The following MARCHF1 variants were observed in gnomAD, a reference collection of about 807,000 sequenced individuals.
MARCHF1 encodes the protein membrane associated ring-CH-type finger 1.
In MARCHF1, 40 loss-of-function variants were observed where a neutral mutation model predicts 54.2. That is an observed-to-expected ratio of 0.74 (90% confidence interval 0.57 to 0.96). MARCHF1 has a LOEUF of 0.96. Ranked by LOEUF, MARCHF1 falls within the 40% of genes least tolerant of loss-of-function variation. The probability of loss-of-function intolerance (pLI) is 0.00; values close to 1 mark genes in which losing one functional copy is unlikely to be tolerated. For missense variants in MARCHF1, 586 were observed against 656.5 expected (o/e 0.89, Z 1.17); for synonymous variants, 236 against 236.3 (o/e 1.00, Z 0.01).
At chr4:164,172,980 C>CAAAAAAAAAAA (rs35995273) in intron 1 of MARCHF1, among the ~76,000 whole-genome samples, 5 of 127,788 alleles carry the variant, frequency 3.9e-5, no homozygotes, top group African/African-American at 1.6e-4. Flanking sequence ...GACTCCGTCT[C>CAAAAAAAAAAA]AAAAAAAAAA....
rs970007449 is a variant in MARCHF1, at chr4:164,244,829, C to T, written c.-322-133167G>A. 8.5e-5 allele frequency among the ~76,000 whole-genome samples: 13 copies of T among 152,146 alleles called. No individual in the cohort carries two copies. The South Asian group carries it at 2.5e-3, about 29-fold the overall frequency. ...GTACCATCAGAGAATACTACAAACA[C>T]CTCTACGCAAATAAACTAGAAAATC... is the stretch of plus-strand genomic sequence containing the variant. On this transcript the variant is annotated intron_variant, in intron 1 of 9. Coordinates refer to ENST00000514618, the MANE Select transcript of MARCHF1 (RefSeq NM_001394959.1).
intron 5 of MARCHF1, among the ~76,000 whole-genome samples, chr4:163,651,875 T>G (rs1309664889): frequency 6.6e-6 from 1 of 151,712 alleles, no homozygotes; most frequent in Non-Finnish European, 1.5e-5. Context: ...TGGATTATTT[T>G]CAATGCTACT....
At chr4:163,798,429 AAGAC>A (rs1443139715) in intron 4 of MARCHF1, among the ~76,000 whole-genome samples, 3 of 152,192 alleles carry the variant, frequency 2.0e-5, no homozygotes, top group South Asian at 4.1e-4. Context: ...TTAGCAGAAT[AAGAC>A]AGAGAGCATT....
chr4:163,839,288 ACT>A (rs35749658), intron 4 of MARCHF1, among the ~76,000 whole-genome samples: 11,383 of 152,104 alleles, frequency 0.075, 564 homozygotes, highest in African/African-American at 0.14. Flanking sequence ...TAGTACATCC[ACT>A]GTGGAAAACA....
chr4:163,989,715 C>T (rs760902285), intron 2 of MARCHF1, among the ~76,000 whole-genome samples: 6 of 152,078 alleles, frequency 3.9e-5, no homozygotes, highest in African/African-American at 7.2e-5. Flanking sequence ...ATAACTTTCC[C>T]GCATGATTAT....
chr4:163,613,432 G>A (rs1158471355), intron 5 of MARCHF1, 39 bp from the exon 6 acceptor site: 40 of 1,612,984 alleles, frequency 2.5e-5, no homozygotes, highest in Non-Finnish European at 3.3e-5. Context: ...TCTTGGTTAA[G>A]GTAATACATG....
intron 4 of MARCHF1, among the ~76,000 whole-genome samples, chr4:163,763,698 T>C (rs941856114): frequency 1.3e-5 from 2 of 152,090 alleles, no homozygotes; most frequent in Non-Finnish European, 2.9e-5. Context: ...TGTTTGGAAA[T>C]GTTATGTACC....
chr4:163,642,282 C>CT (rs946072484), intron 5 of MARCHF1, among the ~76,000 whole-genome samples: 9 of 151,834 alleles, frequency 5.9e-5, no homozygotes, highest in Non-Finnish European at 5.9e-5. Context: ...CTTATACATT[C>CT]TTTTTTTTCT....
rs181748231 is a variant in MARCHF1, at chr4:163,583,169, G to A, written c.1191+2580C>T. 1.6e-3 allele frequency among the ~76,000 whole-genome samples: 251 copies of A among 152,302 alleles called. 1 individual carries two copies. The highest frequency in any genetic ancestry group is 5.7e-3 in the African/African-American group (237 of 41,564). ...GAGAGGGAAGGCTGAGATCTGTGAC[G>A]AATTTGAAAGCAAGTCCCTTTTTAA... On this transcript the variant is annotated intron_variant, in intron 8 of 9. Coordinates refer to ENST00000514618, the MANE Select transcript of MARCHF1 (RefSeq NM_001394959.1).
At chr4:163,745,199 G>GT (rs1226974604) in intron 4 of MARCHF1, among the ~76,000 whole-genome samples, 2 of 150,388 alleles carry the variant, frequency 1.3e-5, no homozygotes, top group African/African-American at 4.9e-5. Flanking sequence ...GGCAACCTCT[G>GT]TTTTTTGGGT....
chr4:163,830,706 G>A (rs183718317), intron 4 of MARCHF1, among the ~76,000 whole-genome samples: 382 of 152,032 alleles, frequency 2.5e-3, no homozygotes, highest in Middle Eastern at 3.4e-3. Context: ...TTGAGCCAGC[G>A]GTTCAAGACC....
At chr4:163,599,319 T>C (rs1363636459) in intron 7 of MARCHF1, among the ~76,000 whole-genome samples, 2 of 140,522 alleles carry the variant, frequency 1.4e-5, no homozygotes, top group African/African-American at 5.8e-5. Context: ...ATATGTTTTA[T>C]TTTACTTTTT....
intron 3 of MARCHF1, among the ~76,000 whole-genome samples, chr4:163,958,939 G>A (rs571846970): frequency 7.2e-5 from 11 of 151,994 alleles, no homozygotes; most frequent in South Asian, 4.2e-4. Context: ...CATCTACCAC[G>A]GAAAGCTGTC....
At chr4:164,023,913 A>G (rs1753717017) in intron 2 of MARCHF1, among the ~76,000 whole-genome samples, 1 of 152,236 alleles carries the variant, frequency 6.6e-6, no homozygotes, top group South Asian at 2.1e-4. Flanking sequence ...TCTGGAACTG[A>G]AAAATTTACT....
intron 4 of MARCHF1, among the ~76,000 whole-genome samples, chr4:163,745,069 G>C (rs1365606007): frequency 1.3e-5 from 2 of 151,710 alleles, no homozygotes; most frequent in Non-Finnish European, 2.9e-5. Flanking sequence ...TTTCATAAGA[G>C]AGTGCCAAGA....
In MARCHF1 at chr4:164,274,659, C is replaced by CTTTTTT. The variant is rs70952617; in HGVS notation, c.-323+109205_-323+109210dup. Among the ~76,000 whole-genome samples, 7 of 44,644 alleles carry CTTTTTT rather than the reference C, an allele frequency of 1.6e-4. 2 individuals are homozygous for CTTTTTT. Among genetic ancestry groups the CTTTTTT allele is most frequent in the Non-Finnish European group, 2.9e-4 (6 of 20,620 alleles). The allele number at this position is 44,644 out of a possible 152,430, so 29.3% of individuals were successfully genotyped here. A position where few individuals can be genotyped will look rare whatever the true frequency, so the allele number is the denominator to read the frequency against. ...CGCTTGATGTGTGCTTCAGGGTACA[C>CTTTTTT]TTTTTTTTTTTTTTTTTTTTTTTTT... is the stretch of plus-strand genomic sequence containing the variant. On this transcript the variant is annotated intron_variant, in intron 1 of 9. Transcript: ENST00000514618.
chr4:163,965,672 T>G (rs1752428865), intron 3 of MARCHF1, among the ~76,000 whole-genome samples: 1 of 152,112 alleles, frequency 6.6e-6, no homozygotes, highest in African/African-American at 2.4e-5. Flanking sequence ...TGGCACTGAA[T>G]TTATATCTGC....
chr4:164,257,651 CAT>C (rs1733331075), intron 1 of MARCHF1, among the ~76,000 whole-genome samples: 1 of 151,384 alleles, frequency 6.6e-6, no homozygotes, highest in South Asian at 2.1e-4. Flanking sequence ...TTTAATAAAA[CAT>C]AGAAATAAAA....
intron 1 of MARCHF1, among the ~76,000 whole-genome samples, chr4:164,207,964 C>T (rs1731658076): frequency 6.6e-6 from 1 of 151,730 alleles, no homozygotes; most frequent in African/African-American, 2.4e-5. Flanking sequence ...TACCCCTGAA[C>T]TTAAAATAAA....
Sources: allele counts gnomAD v4.1 joint callset (sites outside exome capture counted in the v4.1 genomes callset), GRCh38; gene constraint gnomAD v4.1.1; transcripts MANE v1.5; gene names NCBI Gene and HGNC (gene_info 2026-07-23, HGNC 2026-07-21).